AR: variants seen among roughly 807,000 people sequenced by gnomAD.
AR encodes androgen receptor, also known as dihydrotestosterone receptor.
A neutral mutation model predicts 53.9 loss-of-function variants in AR; 8 were observed. The observed-to-expected ratio is 0.15, with a 90% confidence interval of 0.09 to 0.27. The LOEUF is 0.27. AR is among the 10% of genes least tolerant of loss of function. The pLI, the probability that AR is intolerant of heterozygous loss-of-function variation, is 1.00. For missense variants in AR, 639 were observed against 742.5 expected, an observed-to-expected ratio of 0.86 and a Z score of 1.62; for synonymous variants, 359 against 316.4, an observed-to-expected ratio of 1.13 and a Z score of -1.43.
intron 2 of AR, among the ~76,000 whole-genome samples, chrX:67,661,717 G>T (rs1467922058): frequency 9.0e-6 from 1 of 111,438 alleles, no homozygotes; most frequent in Non-Finnish European, 1.9e-5. Context: ...AAATGAGTTA[G>T]GGAGGATTCC....
In AR at chrX:67,698,828, G is replaced by GCAAGC. The variant is rs775385789; in HGVS notation, c.1886-12571_1886-12567dup. Among the ~76,000 whole-genome samples the GCAAGC allele has an allele frequency of 2.7e-5, 3 of 111,573 alleles. No individual in the cohort carries two copies. The South Asian group carries it at 1.1e-3, about 42-fold the overall frequency. On this transcript the variant is annotated intron_variant, in intron 3 of 7. Transcript: ENST00000374690. ...TCTTCATGCCTGAGTTAGGGCCCCT[G>GCAAGC]CAAGCCATTCACTGGTTAATCTTTA... is the stretch of plus-strand genomic sequence containing the variant.
At chrX:67,710,659 C>T (rs1419654672) in intron 3 of AR, among the ~76,000 whole-genome samples, 1 of 111,410 alleles carries the variant, frequency 9.0e-6, no homozygotes, top group Non-Finnish European at 1.9e-5. Flanking sequence ...TATACATGCT[C>T]CTTTAAAATC....
chrX:67,701,033 T>G (rs1269143925), intron 3 of AR, among the ~76,000 whole-genome samples: 3 of 111,696 alleles, frequency 2.7e-5, no homozygotes, highest in Non-Finnish European at 5.6e-5. Context: ...CAGTGTACAT[T>G]CACAGCATTA....
chrX:67,570,147 T>A (rs1921749922), intron 1 of AR, among the ~76,000 whole-genome samples: 1 of 112,222 alleles, frequency 8.9e-6, no homozygotes, highest in African/African-American at 3.2e-5. Flanking sequence ...GTCCCTGTGT[T>A]TGTCCCTGTG....
chrX:67,622,910 G>A (rs1261694800), intron 1 of AR, among the ~76,000 whole-genome samples: 1 of 111,450 alleles, frequency 9.0e-6, no homozygotes, highest in African/African-American at 3.3e-5. Context: ...GGCCATGAAA[G>A]CTCCTTGAGG....
rs2076147526 is a variant in AR, at chrX:67,723,834, C to G, written c.2756C>G (p.Thr919Ser). Residue 919 changes from threonine (T) to serine (S), a missense_variant, in exon 8 of 8, where the codon ACC (threonine) becomes AGC (serine). This residue lies in a region of AR where 95 missense variants were observed against 196.4 expected (regional missense o/e 0.48). Transcript: ENST00000374690. Reference sequence around the variant, plus strand: ...AAAGTCAAGCCCATCTATTTCCACACCCAGTGAAGCATTGGAAACCCTATT... The same window carrying G: ...AAAGTCAAGCCCATCTATTTCCACAGCCAGTGAAGCATTGGAAACCCTATT... ...SGKVKPIYFH[T>S]Q 1 of 1,210,116 alleles carries G rather than the reference C, an allele frequency of 8.3e-7. No individual in the cohort carries two copies. The highest frequency in any genetic ancestry group is 1.1e-6 in the Non-Finnish European group (1 of 895,267).
chrX:67,647,758 G>A (rs753355775), intron 2 of AR, among the ~76,000 whole-genome samples: 5 of 111,313 alleles, frequency 4.5e-5, no homozygotes, highest in Non-Finnish European at 7.5e-5. Flanking sequence ...AAATATTTTA[G>A]GCTTTGTAGA....
intron 2 of AR, among the ~76,000 whole-genome samples, chrX:67,675,729 G>C (rs189575739): frequency 8.9e-6 from 1 of 111,858 alleles, no homozygotes; most frequent in Non-Finnish European, 1.9e-5. Context: ...TCTTTCCTTG[G>C]TATGATATTA....
Position 67,639,350 on chromosome X carries a change from C to T in AR, c.1617-3906C>T, listed in dbSNP as rs181867963. On this transcript the variant is annotated intron_variant, in intron 1 of 7. Coordinates refer to ENST00000374690, the MANE Select transcript of AR (RefSeq NM_000044.6). Reference sequence around the variant, plus strand: ...TTAAAGTAGTTTTTTTATAATTCTGCGAAGAAAGTCATTGGCAGCTTGATG... The same window carrying T: ...TTAAAGTAGTTTTTTTATAATTCTGTGAAGAAAGTCATTGGCAGCTTGATG... 3.0e-3 allele frequency among the ~76,000 whole-genome samples: 329 copies of T among 111,416 alleles called. 2 individuals are homozygous for T. Among genetic ancestry groups the T allele is most frequent in the South Asian group, 0.02 (53 of 2,694 alleles).
At chrX:67,690,021 T>C (rs1263898476) in intron 3 of AR, among the ~76,000 whole-genome samples, 1 of 111,693 alleles carries the variant, frequency 9.0e-6, no homozygotes, top group African/African-American at 3.3e-5. Context: ...TTGCAACTCT[T>C]GAGTTCTCAG....
At chrX:67,659,744 G>A (rs774639549) in intron 2 of AR, among the ~76,000 whole-genome samples, 1 of 111,566 alleles carries the variant, frequency 9.0e-6, no homozygotes, top group South Asian at 3.8e-4. Context: ...GTAATGGGAT[G>A]GCTGGGTCAA....
chrX:67,636,951 G>A (rs897444579), intron 1 of AR, among the ~76,000 whole-genome samples: 1 of 111,358 alleles, frequency 9.0e-6, no homozygotes. Flanking sequence ...TGTTCAAGGT[G>A]CACTTTATTA....
intron 4 of AR, among the ~76,000 whole-genome samples, chrX:67,712,155 T>C: frequency 8.9e-6 from 1 of 111,977 alleles, no homozygotes; most frequent in Admixed American, 9.5e-5. Context: ...AACATGAGGT[T>C]GGGAATCAGA....
chrX:67,666,246 A>ACT (rs1927256814), intron 2 of AR, among the ~76,000 whole-genome samples: 1 of 109,182 alleles, frequency 9.2e-6, no homozygotes, highest in Admixed American at 9.9e-5. Context: ...CCATCATTCC[A>ACT]CTCTCTATCT....
At chrX:67,711,341 A>G (rs2076092685) in intron 3 of AR, 61 bp from the exon 4 acceptor site, 1 of 1,126,791 alleles carries the variant, frequency 8.9e-7, no homozygotes, top group Non-Finnish European at 1.2e-6. Context: ...CTAAAAAGGT[A>G]GTTGCATTGT....
chrX:67,647,483 G>T (rs1926112002), intron 2 of AR, among the ~76,000 whole-genome samples: 1 of 111,533 alleles, frequency 9.0e-6, no homozygotes, highest in African/African-American at 3.3e-5. Flanking sequence ...AGTTTTTGGT[G>T]CATATCAGTG....
chrX:67,648,722 A>G (rs1047347515), intron 2 of AR, among the ~76,000 whole-genome samples: 6 of 112,057 alleles, frequency 5.4e-5, no homozygotes, highest in Non-Finnish European at 1.1e-4. Context: ...TAGCCTGTGC[A>G]TTTTATGAAA....
chrX:67,608,323 T>C lies in AR; in HGVS notation c.1617-34933T>C, dbSNP rs1335551690. On this transcript the variant is annotated intron_variant, in intron 1 of 7. Coordinates refer to ENST00000374690, the MANE Select transcript of AR (RefSeq NM_000044.6). ...TTGAATGTCCTTCTATCTTATTGTATATTTCATTAACAGAAGTATGTTCCT... is the reference window on the plus strand; with the variant it reads ...TTGAATGTCCTTCTATCTTATTGTACATTTCATTAACAGAAGTATGTTCCT... Among the ~76,000 whole-genome samples, 6 of 112,316 alleles carry C rather than the reference T, an allele frequency of 5.3e-5. No homozygotes were observed. In the Admixed American group the frequency reaches 5.7e-4, roughly 11 times the overall value.
At chrX:67,601,024 A>C (rs1156386408) in intron 1 of AR, among the ~76,000 whole-genome samples, 1 of 111,961 alleles carries the variant, frequency 8.9e-6, no homozygotes, top group Non-Finnish European at 1.9e-5. Flanking sequence ...CTATGATTCA[A>C]GGGAGCCTAG....
Sources: allele counts gnomAD v4.1 joint callset (sites outside exome capture counted in the v4.1 genomes callset), GRCh38; gene constraint gnomAD v4.1.1; regional missense constraint gnomAD v4.1.1; transcripts MANE v1.5; gene names NCBI Gene and HGNC (gene_info 2026-07-23, HGNC 2026-07-21).